Variants in TENM3 observed in about 807,000 individuals in gnomAD.
TENM3 encodes the protein teneurin-3.
TENM3 carries 63 observed loss-of-function variants against 255.1 expected under a neutral mutation model. The observed-to-expected ratio is 0.25, with a 90% confidence interval of 0.20 to 0.30. TENM3 has a LOEUF of 0.30. Among genes scored for constraint, TENM3 ranks in the 10% least tolerant of loss-of-function variants. The pLI, the probability that TENM3 is intolerant of heterozygous loss-of-function variation, is 1.00. For missense variants in TENM3, 2,929 were observed against 3,461.1 expected, an observed-to-expected ratio of 0.85 and a Z score of 3.86; for synonymous variants, 1,306 against 1,322.3, an observed-to-expected ratio of 0.99 and a Z score of 0.27.
At chr4:181,814,626 A>G in the TENM3 span, among the ~76,000 whole-genome samples, 1 of 151,916 alleles carries the variant, frequency 6.6e-6, no homozygotes, top group Non-Finnish European at 1.5e-5. Context: ...AACAATTACA[A>G]AAATCCATAG....
chr4:181,574,077 T>G, the TENM3 span, among the ~76,000 whole-genome samples: 2 of 152,152 alleles, frequency 1.3e-5, no homozygotes, highest in Non-Finnish European at 2.9e-5. Context: ...CCCGAAGATT[T>G]AATATTGTGA....
the TENM3 span, among the ~76,000 whole-genome samples, chr4:181,914,235 C>A: frequency 2.0e-5 from 3 of 152,168 alleles, no homozygotes; most frequent in African/African-American, 7.2e-5. Context: ...ATATTATTTG[C>A]CCTTCTTTAG....
the TENM3 span, among the ~76,000 whole-genome samples, chr4:181,844,101 A>G: frequency 6.6e-6 from 1 of 152,168 alleles, no homozygotes; most frequent in African/African-American, 2.4e-5. Context: ...AGAGGGAAGG[A>G]TGCCAAAGTC....
the TENM3 span, among the ~76,000 whole-genome samples, chr4:181,929,798 G>A: frequency 5.3e-5 from 8 of 152,212 alleles, no homozygotes; most frequent in East Asian, 1.9e-4. Context: ...ACTCCTCAGC[G>A]AATGCACAAG....
Position 182,798,082 on chromosome 4 carries a change from A to C in TENM3, c.7344+1315A>C, listed in dbSNP as rs534902977. Among the ~76,000 whole-genome samples, 138 of 152,228 alleles carry C rather than the reference A, an allele frequency of 9.1e-4. 1 individual carries two copies. Among genetic ancestry groups the C allele is most frequent in the African/African-American group, 3.1e-3 (129 of 41,550 alleles). ...GGTCTCACTGTGTCACCCAGGCTGG[A>C]GTGCAGCCTTGACCTCCTGGGCTCA... is the stretch of plus-strand genomic sequence containing the variant. On this transcript the variant is annotated intron_variant, in intron 27 of 27. Coordinates refer to ENST00000511685, the MANE Select transcript of TENM3 (RefSeq NM_001080477.4).
the TENM3 span, among the ~76,000 whole-genome samples, chr4:182,050,838 T>A: frequency 6.6e-6 from 1 of 152,204 alleles, no homozygotes; most frequent in African/African-American, 2.4e-5. Context: ...GAATGCAACT[T>A]TAATTTTTAA....
At chr4:181,613,829 C>T in the TENM3 span, among the ~76,000 whole-genome samples, 2 of 152,136 alleles carry the variant, frequency 1.3e-5, no homozygotes, top group African/African-American at 2.4e-5. Flanking sequence ...CTTTTTTACT[C>T]TTACTTTCTC....
In TENM3 at chr4:182,692,496, T is replaced by C. The variant is rs141724024; in HGVS notation, c.2221+4145T>C. 4.3e-3 allele frequency among the ~76,000 whole-genome samples: 656 copies of C among 152,294 alleles called. 2 individuals are homozygous for C. The highest frequency in any genetic ancestry group is 0.015 in the African/African-American group (626 of 41,562). ...GATTGAGACCATAGCAGGGTAATGA[T>C]TGAATAACATATTTGATTGTTATCT... On this transcript the variant is annotated intron_variant, in intron 12 of 27. Coordinates refer to ENST00000511685, the MANE Select transcript of TENM3 (RefSeq NM_001080477.4).
the TENM3 span, among the ~76,000 whole-genome samples, chr4:181,898,677 G>C: frequency 2.6e-5 from 4 of 152,092 alleles, no homozygotes; most frequent in Non-Finnish European, 5.9e-5. Context: ...TATCAGACCA[G>C]ACCCCTTTCT....
the TENM3 span, among the ~76,000 whole-genome samples, chr4:181,964,947 C>A: frequency 6.6e-6 from 1 of 152,132 alleles, no homozygotes; most frequent in African/African-American, 2.4e-5. Flanking sequence ...CACGTTAGGG[C>A]ATTTTCTTGA....
At chr4:181,531,127 T>C in the TENM3 span, among the ~76,000 whole-genome samples, 6 of 152,188 alleles carry the variant, frequency 3.9e-5, no homozygotes, top group East Asian at 1.9e-4. Flanking sequence ...GTAAATGTCA[T>C]GTGGTTATTT....
the TENM3 span, among the ~76,000 whole-genome samples, chr4:181,507,234 C>T: frequency 6.6e-6 from 1 of 152,178 alleles, no homozygotes; most frequent in Non-Finnish European, 1.5e-5. Flanking sequence ...TTTATTTTCA[C>T]ATGGCTAAAG....
the TENM3 span, among the ~76,000 whole-genome samples, chr4:181,451,676 G>A: frequency 2.6e-5 from 4 of 151,972 alleles, no homozygotes; most frequent in African/African-American, 9.7e-5. Context: ...AAGAGAAGGG[G>A]CCAACAATGA....
the TENM3 span, among the ~76,000 whole-genome samples, chr4:181,711,970 G>A: frequency 0.017 from 2,611 of 152,128 alleles, 75 homozygotes; most frequent in African/African-American, 0.057. Flanking sequence ...AGTGATCCCC[G>A]TTATTTTTGT....
chr4:181,692,162 G>A, the TENM3 span, among the ~76,000 whole-genome samples: 1 of 152,162 alleles, frequency 6.6e-6, no homozygotes, highest in African/African-American at 2.4e-5. Flanking sequence ...GAACCATTAT[G>A]TGCAAATTGT....
the TENM3 span, among the ~76,000 whole-genome samples, chr4:181,529,501 T>C: frequency 2.6e-5 from 4 of 152,194 alleles, no homozygotes; most frequent in Non-Finnish European, 4.4e-5. Context: ...GCATAAATCC[T>C]TTCAGGAGAC....
chr4:181,714,135 A>C, the TENM3 span, among the ~76,000 whole-genome samples: 1 of 152,164 alleles, frequency 6.6e-6, no homozygotes, highest in South Asian at 2.1e-4. Flanking sequence ...GAGATGGTGC[A>C]TTGAAAATTT....
At chr4:181,861,146 C>T in the TENM3 span, among the ~76,000 whole-genome samples, 2 of 152,122 alleles carry the variant, frequency 1.3e-5, no homozygotes, top group East Asian at 1.9e-4. Flanking sequence ...TTTACAAGAA[C>T]ACTGTAAACT....
At chr4:182,124,410 T>A in the TENM3 span, among the ~76,000 whole-genome samples, 1 of 152,172 alleles carries the variant, frequency 6.6e-6, no homozygotes, top group Non-Finnish European at 1.5e-5. Flanking sequence ...CATATGTGAA[T>A]CTGAAGTTAA....
Sources: allele counts gnomAD v4.1 joint callset (sites outside exome capture counted in the v4.1 genomes callset), GRCh38; gene constraint gnomAD v4.1.1; transcripts MANE v1.5; gene names NCBI Gene and HGNC (gene_info 2026-07-23, HGNC 2026-07-21).